NKAIN2: variants seen among roughly 807,000 people sequenced by gnomAD.
NKAIN2 encodes the protein sodium/potassium transporting ATPase interacting 2, also known as sodium/potassium-transporting ATPase subunit beta-1-interacting protein 2.
NKAIN2 carries 14 observed loss-of-function variants against 32.6 expected under a neutral mutation model. The ratio of observed to expected loss-of-function variants is 0.43; its 90% confidence interval spans 0.28 to 0.67. NKAIN2 has a LOEUF of 0.67. Among genes scored for constraint, NKAIN2 ranks in the 30% least tolerant of loss-of-function variants. NKAIN2 has a pLI of 0.17. For missense variants in NKAIN2, 198 were observed against 258.3 expected (o/e 0.77, Z 1.60); for synonymous variants, 80 against 87.2 (o/e 0.92, Z 0.46).
At chr6:124,635,681 A>G (rs1214153766) in intron 3 of NKAIN2, among the ~76,000 whole-genome samples, 1 of 152,068 alleles carries the variant, frequency 6.6e-6, no homozygotes, top group East Asian at 1.9e-4. Flanking sequence ...TAAAAATCAT[A>G]AAATATTATA....
chr6:123,858,903 A>G (rs781299687), intron 1 of NKAIN2, among the ~76,000 whole-genome samples: 2 of 152,118 alleles, frequency 1.3e-5, no homozygotes, highest in Admixed American at 1.3e-4. Context: ...AAGACAGGTG[A>G]ACTCATTTTT....
chr6:124,083,787 A>C, intron 1 of NKAIN2, among the ~76,000 whole-genome samples: 1 of 134,576 alleles, frequency 7.4e-6, no homozygotes, highest in Middle Eastern at 3.5e-3. Flanking sequence ...AGGAACTGCA[A>C]CAATACTAGG....
At chr6:124,814,508 G>A (rs73578148) in intron 5 of NKAIN2, among the ~76,000 whole-genome samples, 2,847 of 152,118 alleles carry the variant, frequency 0.019, 74 homozygotes, top group African/African-American at 0.064. Flanking sequence ...AGCATGGTCC[G>A]AATAATCAGA....
chr6:124,467,756 A>ATC (rs1776821286), intron 3 of NKAIN2, among the ~76,000 whole-genome samples: 3 of 152,156 alleles, frequency 2.0e-5, no homozygotes, highest in African/African-American at 7.2e-5. Flanking sequence ...AAAACATCAA[A>ATC]AGGATAATGA....
At chr6:124,385,802 TGGA>T (rs975830424) in intron 3 of NKAIN2, among the ~76,000 whole-genome samples, 2 of 152,174 alleles carry the variant, frequency 1.3e-5, no homozygotes, top group African/African-American at 4.8e-5. Context: ...TACATATTTA[TGGA>T]GTTCTTGCTA....
rs978481932 is a variant in NKAIN2 at position 124,743,403 on chromosome 6, A to G, written c.475-47936A>G. Among the ~76,000 whole-genome samples, 8 of 151,612 alleles carry G rather than the reference A, an allele frequency of 5.3e-5. 1 individual carries two copies. The highest frequency in any genetic ancestry group is 7.3e-5 in the African/African-American group (3 of 41,328). On this transcript the variant is annotated intron_variant, in intron 4 of 6. Transcript: ENST00000368417. ...CCTCTCCATGTAGTCCATCATTAAA[A>G]TTAGTACTTTAATAATTAATAAATC...
chr6:123,892,674 A>G (rs182751203), intron 1 of NKAIN2, among the ~76,000 whole-genome samples: 1 of 152,076 alleles, frequency 6.6e-6, no homozygotes, highest in African/African-American at 2.4e-5. Context: ...TTAGGGAGGA[A>G]GGAACATACT....
intron 3 of NKAIN2, among the ~76,000 whole-genome samples, chr6:124,575,397 G>C (rs930106330): frequency 1.5e-4 from 23 of 152,200 alleles, no homozygotes; most frequent in Non-Finnish European, 2.6e-4. Flanking sequence ...ATAAATTGCT[G>C]CCTCGTTGCA....
intron 1 of NKAIN2, among the ~76,000 whole-genome samples, chr6:123,943,628 T>C (rs1776925503): frequency 6.6e-6 from 1 of 152,070 alleles, no homozygotes; most frequent in Non-Finnish European, 1.5e-5. Context: ...AGATAACATA[T>C]GAAGTATCTG....
At chr6:124,007,227 G>A (rs1350629860) in intron 1 of NKAIN2, among the ~76,000 whole-genome samples, 1 of 152,146 alleles carries the variant, frequency 6.6e-6, no homozygotes, top group South Asian at 2.1e-4. Flanking sequence ...TACAAATACG[G>A]TATTATAGTC....
chr6:124,289,045 G>A (rs1442834557), intron 2 of NKAIN2, among the ~76,000 whole-genome samples: 1 of 152,072 alleles, frequency 6.6e-6, no homozygotes, highest in Non-Finnish European at 1.5e-5. Context: ...ATCAAATGAT[G>A]GTTAGAAAGA....
Position 124,818,480 on chromosome 6 carries a change from A to C in NKAIN2, c.617+12A>C. ...CAGCCTATGTACATGTAAGTATTTT[A>C]CTTGGAAGGTACTCTTCTGGGGTAC... On this transcript the variant is annotated intron_variant, in intron 6 of 6. Transcript: ENST00000368417. The C allele has an allele frequency of 7.3e-7, 1 of 1,377,808 alleles. No homozygotes were observed. The highest frequency in any genetic ancestry group is 1.2e-5 in the South Asian group (1 of 83,456). 85.3% of individuals were successfully genotyped at this position (1,377,808 alleles called of 1,614,324 possible).
chr6:124,462,101 A>T (rs1776554853), intron 3 of NKAIN2, among the ~76,000 whole-genome samples: 1 of 151,856 alleles, frequency 6.6e-6, no homozygotes, highest in Non-Finnish European at 1.5e-5. Context: ...TTTTGGAATA[A>T]ATCTATCTTC....
intron 4 of NKAIN2, among the ~76,000 whole-genome samples, chr6:124,709,430 G>T (rs1330934209): frequency 6.6e-6 from 1 of 151,476 alleles, no homozygotes; most frequent in Non-Finnish European, 1.5e-5. Context: ...GTTCCTCCTT[G>T]TACCTCTGGT....
At chr6:124,387,120 A>G (rs1270019361) in intron 3 of NKAIN2, among the ~76,000 whole-genome samples, 2 of 152,106 alleles carry the variant, frequency 1.3e-5, no homozygotes, top group African/African-American at 2.4e-5. Flanking sequence ...ATTTTCCATG[A>G]ACTTTTTGAA....
chr6:124,083,840 CTA>C (rs900768782), intron 1 of NKAIN2, among the ~76,000 whole-genome samples: 25 of 152,034 alleles, frequency 1.6e-4, no homozygotes, highest in Admixed American at 1.4e-3. Flanking sequence ...TTTAAAGACA[CTA>C]TGGTTACAGA....
At chr6:124,777,797 A>C (rs1035613459) in intron 4 of NKAIN2, among the ~76,000 whole-genome samples, 1 of 152,142 alleles carries the variant, frequency 6.6e-6, no homozygotes, top group African/African-American at 2.4e-5. Flanking sequence ...GGTATAAAAA[A>C]TTTCTCTTAC....
chr6:124,088,088 G>A (rs1192808037), intron 1 of NKAIN2, among the ~76,000 whole-genome samples: 1 of 151,962 alleles, frequency 6.6e-6, no homozygotes. Context: ...TTGTAACAAA[G>A]CAGCTGAGTA....
chr6:124,523,761 G>A (rs559831775), intron 3 of NKAIN2, among the ~76,000 whole-genome samples: 9 of 152,194 alleles, frequency 5.9e-5, no homozygotes, highest in African/African-American at 2.2e-4. Flanking sequence ...AAGGAACAAT[G>A]CTCCTAAGGT....
Sources: allele counts gnomAD v4.1 joint callset (sites outside exome capture counted in the v4.1 genomes callset), GRCh38; gene constraint gnomAD v4.1.1; transcripts MANE v1.5; gene names NCBI Gene and HGNC (gene_info 2026-07-23, HGNC 2026-07-21).